Variants in RAP1GAP2 observed in about 807,000 individuals in gnomAD.
RAP1GAP2 encodes RAP1 GTPase activating protein 2, also known as rap1 GTPase-activating protein 2.
RAP1GAP2 carries 27 observed loss-of-function variants against 95.0 expected under a neutral mutation model. The observed-to-expected ratio is 0.28, with a 90% confidence interval of 0.21 to 0.39. RAP1GAP2 has a LOEUF of 0.39. RAP1GAP2 is among the 10% of genes least tolerant of loss of function. RAP1GAP2 has a pLI of 1.00. For missense variants in RAP1GAP2, 771 were observed against 970.0 expected (o/e 0.79, Z 2.72); for synonymous variants, 373 against 380.9 (o/e 0.98, Z 0.24).
intron 3 of RAP1GAP2, among the ~76,000 whole-genome samples, chr17:2,915,095 C>G (rs6502620): frequency 0.026 from 3,914 of 152,030 alleles, 171 homozygotes; most frequent in African/African-American, 0.089. Flanking sequence ...CGGCCTTCTT[C>G]TTTTTAGAAA....
chr17:2,918,645 T>C (rs148586409), intron 3 of RAP1GAP2, among the ~76,000 whole-genome samples: 1 of 151,886 alleles, frequency 6.6e-6, no homozygotes, highest in Non-Finnish European at 1.5e-5. Flanking sequence ...CAACCAGAGC[T>C]CGTGAGAATT....
At chr17:2,978,867 G>A (rs753188248) in intron 8 of RAP1GAP2, among the ~76,000 whole-genome samples, 4 of 152,092 alleles carry the variant, frequency 2.6e-5, no homozygotes, top group Non-Finnish European at 5.9e-5. Context: ...ACCGGGAGGC[G>A]GAGGTTGTAG....
chr17:2,898,827 C>G (rs570521054), intron 2 of RAP1GAP2, among the ~76,000 whole-genome samples: 1 of 150,542 alleles, frequency 6.6e-6, no homozygotes, highest in South Asian at 2.1e-4. Context: ...CTCATAACGC[C>G]CCATGAGGCG....
At chr17:2,759,164 C>T (rs1431045576) in intron 1 of RAP1GAP2, among the ~76,000 whole-genome samples, 2 of 152,148 alleles carry the variant, frequency 1.3e-5, no homozygotes, top group African/African-American at 2.4e-5. Context: ...CTTTACCTAA[C>T]CTCTACTGAC....
chr17:2,988,440 G>A (rs1236558486), intron 11 of RAP1GAP2, among the ~76,000 whole-genome samples: 1 of 152,070 alleles, frequency 6.6e-6, no homozygotes, highest in African/African-American at 2.4e-5. Context: ...CTAAAACATT[G>A]TTATTTCAAA....
At chr17:2,890,516 G>A (rs1384593676) in intron 2 of RAP1GAP2, among the ~76,000 whole-genome samples, 1 of 152,054 alleles carries the variant, frequency 6.6e-6, no homozygotes, top group Admixed American at 6.6e-5. Flanking sequence ...ACTGCTGGGG[G>A]ATTTCTTAGC....
chr17:2,872,327 G>A (rs1403217445), intron 2 of RAP1GAP2, among the ~76,000 whole-genome samples: 1 of 151,990 alleles, frequency 6.6e-6, no homozygotes, highest in East Asian at 1.9e-4. Context: ...ATAGCAAGGG[G>A]TTGCAATCTG....
chr17:3,031,501 C>T (rs932426202), intron 23 of RAP1GAP2, among the ~76,000 whole-genome samples: 1 of 151,356 alleles, frequency 6.6e-6, no homozygotes, highest in African/African-American at 2.4e-5. Context: ...TCCTGGGTCC[C>T]CCAGTCCCTT....
intron 2 of RAP1GAP2, among the ~76,000 whole-genome samples, chr17:2,864,129 C>G (rs1172658965): frequency 6.6e-6 from 1 of 151,698 alleles, no homozygotes; most frequent in Non-Finnish European, 1.5e-5. Flanking sequence ...AGCATGCCAT[C>G]CTGACTGCGG....
At chr17:2,863,705 A>G (rs950245653) in intron 2 of RAP1GAP2, among the ~76,000 whole-genome samples, 3 of 152,128 alleles carry the variant, frequency 2.0e-5, no homozygotes, top group Non-Finnish European at 4.4e-5. Flanking sequence ...GAACCCCATA[A>G]GGGAGGCATC....
At chr17:3,006,293 T>A (rs1374872256) in intron 16 of RAP1GAP2, among the ~76,000 whole-genome samples, 2 of 151,370 alleles carry the variant, frequency 1.3e-5, no homozygotes, top group Admixed American at 6.6e-5. Flanking sequence ...CACGCCCAGC[T>A]AATTTTTGTA....
chr17:2,935,298 A>G (rs542264436), intron 3 of RAP1GAP2, among the ~76,000 whole-genome samples: 1 of 152,326 alleles, frequency 6.6e-6, no homozygotes, highest in African/African-American at 2.4e-5. Context: ...ACCTGAGATC[A>G]GGAGCTCAAG....
intron 2 of RAP1GAP2, among the ~76,000 whole-genome samples, chr17:2,830,937 C>A (rs935533749): frequency 7.4e-6 from 1 of 135,394 alleles, no homozygotes; most frequent in African/African-American, 2.8e-5. Context: ...TACCTCCACT[C>A]CCCTTCCCTC....
intron 2 of RAP1GAP2, among the ~76,000 whole-genome samples, chr17:2,831,288 G>A (rs571235133): frequency 1.1e-4 from 17 of 150,292 alleles, no homozygotes; most frequent in Middle Eastern, 3.4e-3. Context: ...CATTGGCCAG[G>A]CTGGTCTTGA....
At position 3,031,005 on chromosome 17, in the gene RAP1GAP2, A is replaced by T. The variant is rs371047814; in HGVS notation, c.2184+7A>T. The T allele has an allele frequency of 5.0e-6, 8 of 1,596,046 alleles. No homozygotes were observed. Among genetic ancestry groups the T allele is most frequent in the Non-Finnish European group, 5.1e-6 (6 of 1,170,228 alleles). Reference sequence around the variant, plus strand: ...CCATGCCAGCTCTGGTGCGGTAAGGATGCGCCTCCCACACCCCACACTCCA... The same window carrying T: ...CCATGCCAGCTCTGGTGCGGTAAGGTTGCGCCTCCCACACCCCACACTCCA... On this transcript the variant is annotated splice_region_variant and intron_variant, in intron 23 of 24. Transcript: ENST00000254695.
upstream of RAP1GAP2, chr17:2,755,688 C>T (rs2071125319): frequency 6.6e-6 from 2 of 303,110 alleles, no homozygotes; most frequent in Admixed American, 5.2e-5. Flanking sequence ...CCGTGCGGCC[C>T]GCGGAGGGCA....
At chr17:2,791,533 A>T (rs1311724363), upstream of RAP1GAP2, among the ~76,000 whole-genome samples, 1 of 152,188 alleles carries the variant, frequency 6.6e-6, no homozygotes, top group Non-Finnish European at 1.5e-5. Context: ...TGGATCCAGA[A>T]TTAGTGGGGC....
intron 2 of RAP1GAP2, among the ~76,000 whole-genome samples, chr17:2,808,717 C>G (rs754452944): frequency 7.2e-5 from 11 of 152,222 alleles, no homozygotes; most frequent in Non-Finnish European, 1.6e-4. Flanking sequence ...AGAATGTGCC[C>G]ATTTCTGTCT....
intron 2 of RAP1GAP2, among the ~76,000 whole-genome samples, chr17:2,886,159 G>GTATATATA (rs1183105503): frequency 8.4e-6 from 1 of 119,708 alleles, no homozygotes; most frequent in Admixed American, 8.5e-5. Context: ...GTGTGTGTGT[G>GTATATATA]TGTATATATA....
Sources: gnomAD v4.1 joint callset for allele counts (sites outside exome capture counted in the v4.1 genomes callset) on GRCh38, gnomAD v4.1.1 for gene constraint, MANE v1.5 for transcripts, NCBI Gene and HGNC (gene_info 2026-07-23, HGNC 2026-07-21) for gene names.